SLC17A3: variants seen among roughly 807,000 people sequenced by gnomAD.
SLC17A3 encodes the protein sodium-dependent phosphate transport protein 4.
SLC17A3 carries 61 observed loss-of-function variants against 60.3 expected under a neutral mutation model. The ratio of observed to expected loss-of-function variants is 1.01; its 90% CI spans 0.82 to 1.25. The LOEUF is 1.25. Ranked by LOEUF, SLC17A3 falls within the 50% of genes most tolerant of loss-of-function variation. The pLI, the probability that SLC17A3 is intolerant of heterozygous loss-of-function variation, is 0.00. For missense variants in SLC17A3, 624 were observed against 594.9 expected, an observed-to-expected ratio of 1.05 and a Z score of -0.51; for synonymous variants, 192 against 208.9, an observed-to-expected ratio of 0.92 and a Z score of 0.70.
intron 1 of SLC17A3, among the ~76,000 whole-genome samples, chr6:25,871,270 A>G (rs1765635699): frequency 6.6e-6 from 1 of 152,120 alleles, no homozygotes; most frequent in Admixed American, 6.5e-5. Flanking sequence ...CTGGATTAAG[A>G]AAATGTGGCA....
chr6:25,857,835 G>A (rs1765383762), intron 5 of SLC17A3, among the ~76,000 whole-genome samples: 1 of 152,030 alleles, frequency 6.6e-6, no homozygotes, highest in African/African-American at 2.4e-5. Context: ...TATAATGGGG[G>A]ACAGGTTCCT....
chr6:25,868,422 T>C lies in SLC17A3; in HGVS notation c.-33-2A>G. On this transcript the variant is annotated splice_acceptor_variant, in intron 1 of 12. Transcript: ENST00000397060. LOFTEE classifies it low-confidence loss of function (5UTR_SPLICE). Reference sequence around the variant, plus strand: ...CCTCTCCTAGTGAATGGTTTTCACCTATCAGGGAGATATGTAATTCACATG... The same window carrying C: ...CCTCTCCTAGTGAATGGTTTTCACCCATCAGGGAGATATGTAATTCACATG... The C allele has an allele frequency of 6.5e-7, 1 of 1,527,400 alleles. No individual in the cohort carries two copies. The allele number at this position is 1,527,400 out of a possible 1,614,324, so 94.6% of individuals were successfully genotyped here.
intron 1 of SLC17A3, among the ~76,000 whole-genome samples, chr6:25,870,006 T>C (rs1765615687): frequency 1.3e-5 from 2 of 152,048 alleles, no homozygotes; most frequent in Non-Finnish European, 2.9e-5. Flanking sequence ...TGTTTATCCA[T>C]TTATTTACCT....
chr6:25,855,640 C>G (rs909200820), intron 5 of SLC17A3, among the ~76,000 whole-genome samples: 4 of 152,138 alleles, frequency 2.6e-5, no homozygotes, highest in Non-Finnish European at 4.4e-5. Flanking sequence ...TTTCTGCACA[C>G]ATAAATAATA....
intron 2 of SLC17A3, among the ~76,000 whole-genome samples, chr6:25,863,941 C>T (rs1391652844): frequency 6.6e-6 from 1 of 152,060 alleles, no homozygotes; most frequent in African/African-American, 2.4e-5. Flanking sequence ...GGGGACCTCA[C>T]ATTCCAGAGA....
At chr6:25,872,581 T>A in intron 1 of SLC17A3, among the ~76,000 whole-genome samples, 1 of 71,112 alleles carries the variant, frequency 1.4e-5, no homozygotes, top group South Asian at 6.5e-4. Context: ...GTATATTTTA[T>A]ACATATATAT....
intron 6 of SLC17A3, among the ~76,000 whole-genome samples, chr6:25,853,762 G>A (rs999173733): frequency 2.0e-5 from 3 of 151,934 alleles, no homozygotes; most frequent in African/African-American, 7.3e-5. Context: ...TTTGATTTAG[G>A]TTTACTTAAA....
At chr6:25,857,053 G>A (rs1765368555) in intron 5 of SLC17A3, among the ~76,000 whole-genome samples, 1 of 151,708 alleles carries the variant, frequency 6.6e-6, no homozygotes, top group Non-Finnish European at 1.5e-5. Flanking sequence ...TCCAGACATG[G>A]TGGTGCCTGA....
rs1027741420 is a variant in SLC17A3 at position 25,845,210 on chromosome 6, A to T, written c.*91T>A. The stretch of plus-strand genomic sequence containing the variant: ...TAATTGAAAAGAGCCACAGGAAAAA[A>T]AAAATCTTTTCACTGGTATTTTCAT... On this transcript the variant is annotated 3_prime_UTR_variant, in exon 13 of 13. Coordinates refer to ENST00000397060, the MANE Select transcript of SLC17A3 (RefSeq NM_001098486.2). 1.5e-6 allele frequency: 1 copy of T among 685,774 alleles called. No individual in the cohort carries two copies. The highest frequency in any genetic ancestry group is 1.8e-5 in the African/African-American group (1 of 55,332). The allele number at this position is 685,774 out of a possible 1,614,324, so 42.5% of individuals were successfully genotyped here. A position where few individuals can be genotyped will look rare whatever the true frequency, so the allele number is the denominator to read the frequency against.
chr6:25,872,130 GTAT>G (rs143301757), intron 1 of SLC17A3, among the ~76,000 whole-genome samples: 12,174 of 151,834 alleles, frequency 0.08, 625 homozygotes, highest in South Asian at 0.11. Flanking sequence ...TTTTTAAAAG[GTAT>G]TATTTTAACT....
At chr6:25,866,318 A>T (rs1488494520) in intron 2 of SLC17A3, among the ~76,000 whole-genome samples, 2 of 152,052 alleles carry the variant, frequency 1.3e-5, no homozygotes, top group African/African-American at 2.4e-5. Context: ...AAATCTAGCA[A>T]ACAGCCAGAG....
chr6:25,870,478 C>T (rs1227785091), intron 1 of SLC17A3, among the ~76,000 whole-genome samples: 1 of 152,018 alleles, frequency 6.6e-6, no homozygotes, highest in Non-Finnish European at 1.5e-5. Context: ...TTTATACCCC[C>T]TACTAGGGGC....
chr6:25,870,755 T>A (rs1473097479), intron 1 of SLC17A3, among the ~76,000 whole-genome samples: 1 of 152,042 alleles, frequency 6.6e-6, no homozygotes, highest in Non-Finnish European at 1.5e-5. Context: ...ATGAACTGTA[T>A]TTCTGTCATA....
chr6:25,858,105 T>C (rs1359948054), intron 5 of SLC17A3, among the ~76,000 whole-genome samples: 1 of 152,048 alleles, frequency 6.6e-6, no homozygotes, highest in Non-Finnish European at 1.5e-5. Flanking sequence ...AACCTCTGCC[T>C]CCTGGGTTCA....
chr6:25,870,287 G>A (rs1268920113), intron 1 of SLC17A3, among the ~76,000 whole-genome samples: 1 of 151,922 alleles, frequency 6.6e-6, no homozygotes, highest in Non-Finnish European at 1.5e-5. Context: ...TTCAAAGATT[G>A]CCTGGGAGAT....
intron 2 of SLC17A3, among the ~76,000 whole-genome samples, chr6:25,865,614 T>C (rs1765521074): frequency 6.6e-6 from 1 of 151,958 alleles, no homozygotes; most frequent in South Asian, 2.1e-4. Flanking sequence ...CATGAGAATG[T>C]TGAAAGATTA....
Position 25,849,932 on chromosome 6 carries a change from G to C in SLC17A3, c.1144C>G (p.Leu382Val). The change falls in exon 10 of 13, where the codon CTC becomes GTC. Residue 382 changes from leucine to valine, a missense_variant. Leu to Val is a conservative substitution (Grantham distance 32). Coordinates refer to ENST00000397060, the MANE Select transcript of SLC17A3 (RefSeq NM_001098486.2). ...TILGSLPSSA[L>V]IVSLPYLNSG... ...TTGAGGTAAGGCAGAGACACAATGA[G>C]TGCTGAAGAGGGGAGACTTCCTAGG... The C allele has an allele frequency of 1.2e-6, 2 of 1,614,086 alleles. No individual in the cohort carries two copies. The highest frequency in any genetic ancestry group is 1.7e-6 in the Non-Finnish European group (2 of 1,179,892).
At position 25,861,696 on chromosome 6, in the gene SLC17A3, C is replaced by T. The variant is rs531315084; in HGVS notation, c.553G>A (p.Gly185Ser). The T allele has an allele frequency of 6.2e-7, 1 of 1,613,758 alleles. No individual in the cohort carries two copies. The highest frequency in any genetic ancestry group is 1.7e-5 in the Admixed American group (1 of 59,982). The change falls in exon 5 of 13, where the codon GGT (glycine) becomes AGT (serine). Residue 185 changes from glycine to serine, a missense_variant. Coordinates refer to ENST00000397060, the MANE Select transcript of SLC17A3 (RefSeq NM_001098486.2). Reference protein sequence around the residue: ...QGLSQSSILGGQFAIWEKWGP... With the variant: ...QGLSQSSILGSQFAIWEKWGP... ...CACTTTTCCCAAATTGCAAACTGAC[C>T]CCCAAGTATTGAGGACTGAAATTAA...
intron 2 of SLC17A3, among the ~76,000 whole-genome samples, chr6:25,867,780 A>G (rs539264913): frequency 6.6e-6 from 1 of 152,078 alleles, no homozygotes; most frequent in Admixed American, 6.6e-5. Context: ...CACTTTGTGA[A>G]TCTAATAAAG....
Sources: gnomAD v4.1 joint callset for allele counts (sites outside exome capture counted in the v4.1 genomes callset) on GRCh38, gnomAD v4.1.1 for gene constraint, MANE v1.5 for transcripts, NCBI Gene and HGNC (gene_info 2026-07-23, HGNC 2026-07-21) for gene names.